The following MMP26 variants were observed in gnomAD, a reference collection of about 807,000 sequenced individuals.
MMP26 encodes matrix metalloproteinase-26.
In MMP26, 33 loss-of-function variants were observed where a neutral mutation model predicts 31.0. The ratio of observed to expected loss-of-function variants is 1.06; its 90% CI spans 0.81 to 1.42. The LOEUF (loss-of-function observed/expected upper bound fraction) is 1.42. MMP26 is among the 40% of genes most tolerant of loss of function. The pLI is 0.00. For synonymous variants in MMP26, 122 were observed against 114.9 expected (o/e 1.06, Z -0.40); for missense variants, 347 against 316.1 (o/e 1.10, Z -0.74).
At chr11:4,856,413 A>G (rs1454709337) in intron 2 of MMP26, among the ~76,000 whole-genome samples, 1 of 152,132 alleles carries the variant, frequency 6.6e-6, no homozygotes, top group Non-Finnish European at 1.5e-5. Context: ...AAAAGCAGGG[A>G]TTGCAATCCT....
At chr11:4,821,631 C>T (rs1348541965) in intron 2 of MMP26, 1 of 1,614,024 alleles carries the variant, frequency 6.2e-7, no homozygotes, top group South Asian at 1.1e-5. Context: ...TGCTTTCAGC[C>T]ACAGACCTGA....
chr11:4,729,030 A>C (rs1482516151), intron 1 of MMP26, among the ~76,000 whole-genome samples: 1 of 151,798 alleles, frequency 6.6e-6, no homozygotes, highest in Non-Finnish European at 1.5e-5. Flanking sequence ...CATGCTTTGC[A>C]TAAAAAATCA....
rs999014974 is a variant in MMP26, at chr11:4,974,297, G to A, written c.-144-13771G>A. On this transcript the variant is annotated intron_variant, in intron 2 of 7. Transcript: ENST00000380390. ...AAATTTCTGTCATAAAAATTCAGCT[G>A]AAAAAAAAGGTCTAAAATTTTGTTA... is the stretch of plus-strand genomic sequence containing the variant. Among the ~76,000 whole-genome samples, 17 of 150,426 alleles carry A rather than the reference G, an allele frequency of 1.1e-4. No homozygotes were observed. The South Asian group carries it at 3.4e-3, about 30-fold the overall frequency.
intron 2 of MMP26, chr11:4,945,403 T>G (rs1407060022): frequency 6.6e-6 from 1 of 152,172 alleles, no homozygotes; most frequent in East Asian, 1.9e-4. Flanking sequence ...CGACGTTGAG[T>G]AAGTAGAAAG....
chr11:4,730,391 T>A (rs1848157542), intron 1 of MMP26, among the ~76,000 whole-genome samples: 1 of 107,852 alleles, frequency 9.3e-6, no homozygotes, highest in African/African-American at 4.4e-5. Flanking sequence ...TTTTAACACT[T>A]AGGTTTCTGG....
chr11:4,735,777 A>G (rs1052082516), intron 1 of MMP26, among the ~76,000 whole-genome samples: 4 of 140,336 alleles, frequency 2.9e-5, no homozygotes, highest in African/African-American at 1.1e-4. Context: ...TAATTTAATC[A>G]AAAAGTAAAA....
intron 2 of MMP26, among the ~76,000 whole-genome samples, chr11:4,811,321 C>G (rs903563041): frequency 6.6e-6 from 1 of 152,128 alleles, no homozygotes; most frequent in Non-Finnish European, 1.5e-5. Flanking sequence ...AAGTACAGTA[C>G]TCAATAGGTA....
chr11:4,968,921 C>T (rs1315969354), intron 2 of MMP26, among the ~76,000 whole-genome samples: 1 of 151,798 alleles, frequency 6.6e-6, no homozygotes, highest in African/African-American at 2.4e-5. Flanking sequence ...AATACAATTA[C>T]CTTTTTCTTT....
Position 4,927,777 on chromosome 11 carries a change from C to G in MMP26, c.-144-60291C>G, listed in dbSNP as rs182385306. ...CAAAAGCTTCTCCTCAGGGGCCTTTCCCAAGTCTGAGAATTCCCTGACGAG... is the reference window on the plus strand; with the variant it reads ...CAAAAGCTTCTCCTCAGGGGCCTTTGCCAAGTCTGAGAATTCCCTGACGAG... On this transcript the variant is annotated intron_variant, in intron 2 of 7. Coordinates refer to ENST00000380390, the MANE Select transcript of MMP26 (RefSeq NM_021801.5). 4.1e-4 allele frequency among the ~76,000 whole-genome samples: 62 copies of G among 152,220 alleles called. 1 individual carries two copies. In the East Asian group the frequency reaches 8.9e-3, roughly 22 times the overall value.
intron 2 of MMP26, among the ~76,000 whole-genome samples, chr11:4,846,529 C>T (rs967886634): frequency 9.9e-5 from 15 of 152,088 alleles, no homozygotes; most frequent in African/African-American, 3.4e-4. Context: ...AACTTAATCA[C>T]ACGTTTTAAG....
intron 2 of MMP26, among the ~76,000 whole-genome samples, chr11:4,824,980 A>G (rs1849561072): frequency 6.6e-6 from 1 of 152,152 alleles, no homozygotes; most frequent in African/African-American, 2.4e-5. Flanking sequence ...CAATGCCTTC[A>G]GTAAATAAGC....
At chr11:4,763,820 C>T (rs1473914276) in intron 1 of MMP26, among the ~76,000 whole-genome samples, 1 of 152,030 alleles carries the variant, frequency 6.6e-6, no homozygotes, top group Non-Finnish European at 1.5e-5. Flanking sequence ...CCTAAATTGT[C>T]ACAGATTAAT....
At chr11:4,983,704 T>C (rs1483382557) in intron 2 of MMP26, among the ~76,000 whole-genome samples, 1 of 152,174 alleles carries the variant, frequency 6.6e-6, no homozygotes, top group Non-Finnish European at 1.5e-5. Flanking sequence ...TAAAATCTGG[T>C]ATCCATTATT....
At chr11:4,864,097 A>G (rs1325969296) in intron 2 of MMP26, among the ~76,000 whole-genome samples, 1 of 152,154 alleles carries the variant, frequency 6.6e-6, no homozygotes, top group Non-Finnish European at 1.5e-5. Context: ...GACATGAAAC[A>G]GAGCTGGAGT....
At chr11:4,769,589 G>A in intron 2 of MMP26, 1 of 1,613,380 alleles carries the variant, frequency 6.2e-7, no homozygotes, top group Non-Finnish European at 8.5e-7. Context: ...TTCCATAAAA[G>A]TGAATCCATG....
chr11:4,920,714 T>C (rs1380520017), intron 2 of MMP26, among the ~76,000 whole-genome samples: 3 of 152,158 alleles, frequency 2.0e-5, no homozygotes, highest in Non-Finnish European at 4.4e-5. Flanking sequence ...CAGCCCCAAA[T>C]AGGGAGAGAA....
chr11:4,937,137 G>T (rs1360178364), intron 2 of MMP26, among the ~76,000 whole-genome samples: 1 of 152,142 alleles, frequency 6.6e-6, no homozygotes, highest in Non-Finnish European at 1.5e-5. Context: ...ATTATTGGAT[G>T]TACAATCTTA....
intron 1 of MMP26, chr11:4,723,855 T>A (rs1848057064): frequency 2.1e-6 from 3 of 1,437,362 alleles, no homozygotes; most frequent in Admixed American, 1.7e-5. Context: ...GTACCTTGTC[T>A]ATGAAGGAGG....
chr11:4,733,717 G>A (rs1369715255), intron 1 of MMP26, among the ~76,000 whole-genome samples: 4 of 152,066 alleles, frequency 2.6e-5, no homozygotes, highest in African/African-American at 9.7e-5. Flanking sequence ...GGGCAATGTT[G>A]AATAAAATGG....
Sources: allele counts gnomAD v4.1 joint callset (sites outside exome capture counted in the v4.1 genomes callset), GRCh38; gene constraint gnomAD v4.1.1; transcripts MANE v1.5; gene names NCBI Gene and HGNC (gene_info 2026-07-23, HGNC 2026-07-21).